Variants in FER observed in about 807,000 individuals in gnomAD.
FER encodes the protein tyrosine-protein kinase Fer.
FER carries 63 observed loss-of-function variants against 111.0 expected under a neutral mutation model. That is an observed-to-expected ratio of 0.57 (90% CI 0.46 to 0.70). The LOEUF is 0.70. FER is among the 30% of genes least tolerant of loss of function. The pLI, the probability that FER is intolerant of heterozygous loss-of-function variation, is 0.00. For synonymous variants in FER, 327 were observed against 313.9 expected (o/e 1.04, Z -0.44); for missense variants, 914 against 954.0 (o/e 0.96, Z 0.55).
intron 10 of FER, among the ~76,000 whole-genome samples, chr5:108,917,504 G>A (rs1271951372): frequency 6.6e-6 from 1 of 152,006 alleles, no homozygotes; most frequent in Non-Finnish European, 1.5e-5. Context: ...TTTAATTTTT[G>A]TTTGCTCTTC....
intron 1 of FER, among the ~76,000 whole-genome samples, chr5:108,755,351 A>G (rs1038254907): frequency 1.2e-4 from 18 of 152,158 alleles, no homozygotes; most frequent in African/African-American, 4.1e-4. Context: ...ACACTTCTGT[A>G]GTATGTGTCC....
At chr5:108,871,294 G>C in intron 6 of FER, 71 bp from the exon 7 acceptor site, 1 of 1,281,308 alleles carries the variant, frequency 7.8e-7, no homozygotes, top group Non-Finnish European at 1.1e-6. Context: ...TTATTGTTCT[G>C]AATCCTTTTT....
At chr5:108,863,907 TTTTC>T (rs1763775522) in intron 5 of FER, among the ~76,000 whole-genome samples, 1 of 152,206 alleles carries the variant, frequency 6.6e-6, no homozygotes, top group Admixed American at 6.5e-5. Context: ...ATTCAAGTTT[TTTTC>T]TTTCTTTCTG....
At chr5:108,859,558 G>A (rs902035178) in intron 5 of FER, among the ~76,000 whole-genome samples, 2 of 152,052 alleles carry the variant, frequency 1.3e-5, no homozygotes, top group Admixed American at 6.6e-5. Flanking sequence ...ATATTTTTGG[G>A]TAATATGTGG....
chr5:109,052,965 A>G (rs561171462), intron 16 of FER, among the ~76,000 whole-genome samples: 6 of 152,236 alleles, frequency 3.9e-5, no homozygotes, highest in African/African-American at 9.6e-5. Flanking sequence ...TTACCCATGC[A>G]TGATTTTATA....
chr5:108,900,620 G>T (rs1162401691), intron 10 of FER, among the ~76,000 whole-genome samples: 2 of 152,176 alleles, frequency 1.3e-5, no homozygotes, highest in African/African-American at 4.8e-5. Context: ...TATTATTTGA[G>T]AGCAGGAGAG....
intron 2 of FER, among the ~76,000 whole-genome samples, chr5:108,786,129 A>C (rs1754692264): frequency 6.6e-6 from 1 of 152,212 alleles, no homozygotes; most frequent in Non-Finnish European, 1.5e-5. Flanking sequence ...AGATTTACTC[A>C]CTTTTAAAAG....
chr5:108,912,658 C>T (rs889497443), intron 10 of FER, among the ~76,000 whole-genome samples: 12 of 152,212 alleles, frequency 7.9e-5, no homozygotes, highest in East Asian at 1.9e-4. Context: ...AGCCACTGTG[C>T]GTGGCCCTAT....
intron 13 of FER, among the ~76,000 whole-genome samples, chr5:108,961,765 C>T (rs1255889983): frequency 6.6e-6 from 1 of 152,110 alleles, no homozygotes; most frequent in Non-Finnish European, 1.5e-5. Context: ...GAGTACATAA[C>T]AAATTGATAT....
intron 11 of FER, among the ~76,000 whole-genome samples, chr5:108,949,455 C>T (rs1360960800): frequency 6.6e-6 from 1 of 152,040 alleles, no homozygotes; most frequent in Non-Finnish European, 1.5e-5. Flanking sequence ...CACTCTCATA[C>T]ACTAAATTCT....
rs2149911685 is a variant in FER, at chr5:109,047,204, G to A, written c.1924+6G>A. The A allele has an allele frequency of 1.3e-6, 2 of 1,541,950 alleles. No individual in the cohort carries two copies. The highest frequency in any genetic ancestry group is 4.6e-5 in the East Asian group (2 of 43,718). Reference sequence around the variant, plus strand: ...CATTATGGAACTGGTTTCAGGTAATGTGATCTGAGAATTTTTGCATGATGA... The same window carrying A: ...CATTATGGAACTGGTTTCAGGTAATATGATCTGAGAATTTTTGCATGATGA... On this transcript the variant is annotated splice_donor_region_variant and intron_variant, in intron 16 of 19. Transcript: ENST00000281092.
chr5:108,799,951 T>G lies in FER; in HGVS notation c.207+1562T>G, dbSNP rs148688505. ...TCTGCCTCCCGGGTTCAGGTGATTC[T>G]TGTGTCTCCGCCTCATGAGTAGCTG... On this transcript the variant is annotated intron_variant, in intron 3 of 19. Coordinates refer to ENST00000281092, the MANE Select transcript of FER (RefSeq NM_005246.4). 1.2e-4 allele frequency among the ~76,000 whole-genome samples: 18 copies of G among 152,042 alleles called. 1 individual carries two copies. The East Asian group carries it at 3.3e-3, about 28-fold the overall frequency.
At chr5:109,134,219 G>T (rs933294363) in intron 17 of FER, among the ~76,000 whole-genome samples, 2 of 152,152 alleles carry the variant, frequency 1.3e-5, no homozygotes, top group Non-Finnish European at 2.9e-5. Context: ...CCAAAGAAAA[G>T]TTCCATACTA....
chr5:109,001,875 C>T (rs1764824286), intron 13 of FER, among the ~76,000 whole-genome samples: 1 of 152,054 alleles, frequency 6.6e-6, no homozygotes, highest in Non-Finnish European at 1.5e-5. Context: ...GAGTGAACTC[C>T]CATTCACAAT....
At chr5:108,994,495 C>G (rs1763744098) in intron 13 of FER, among the ~76,000 whole-genome samples, 1 of 152,150 alleles carries the variant, frequency 6.6e-6, no homozygotes, top group South Asian at 2.1e-4. Flanking sequence ...CAGTACCATG[C>G]TGTTTTGGTT....
intron 10 of FER, among the ~76,000 whole-genome samples, chr5:108,937,261 C>T (rs888228825): frequency 6.6e-5 from 10 of 152,030 alleles, no homozygotes; most frequent in Non-Finnish European, 1.5e-4. Flanking sequence ...CTCTAGATAT[C>T]TGGCTTGTAT....
chr5:109,150,265 A>T (rs928926691), intron 17 of FER, among the ~76,000 whole-genome samples: 1 of 152,092 alleles, frequency 6.6e-6, no homozygotes, highest in Non-Finnish European at 1.5e-5. Context: ...TCTCTAAGTC[A>T]TCGCTTCCTT....
intron 11 of FER, among the ~76,000 whole-genome samples, chr5:108,950,611 C>G (rs1048412288): frequency 6.6e-6 from 1 of 151,850 alleles, no homozygotes; most frequent in Non-Finnish European, 1.5e-5. Context: ...TACAAATATT[C>G]GGAATATCTT....
At chr5:109,152,039 A>C (rs900557230) in intron 17 of FER, among the ~76,000 whole-genome samples, 1 of 152,094 alleles carries the variant, frequency 6.6e-6, no homozygotes, top group Non-Finnish European at 1.5e-5. Flanking sequence ...ATTTTATTCC[A>C]TGATGTAAAT....
Sources: gnomAD v4.1 joint callset for allele counts (sites outside exome capture counted in the v4.1 genomes callset) on GRCh38, gnomAD v4.1.1 for gene constraint, MANE v1.5 for transcripts, NCBI Gene and HGNC (gene_info 2026-07-23, HGNC 2026-07-21) for gene names.